Variants in VEZT observed in about 807,000 individuals in gnomAD.
The protein encoded by VEZT is vezatin, adherens junctions transmembrane protein, also known as vezatin.
Under a neutral mutation model 79.9 loss-of-function variants are expected in VEZT, and 39 were observed. The ratio of observed to expected loss-of-function variants is 0.49; its 90% confidence interval spans 0.38 to 0.64. The LOEUF is 0.64. Ranked by LOEUF, VEZT falls within the 30% of genes least tolerant of loss-of-function variation. The pLI, the probability that VEZT is intolerant of heterozygous loss-of-function variation, is 0.00. For missense variants in VEZT, 837 were observed against 893.1 expected, an observed-to-expected ratio of 0.94 and a Z score of 0.80; for synonymous variants, 325 against 327.6, an observed-to-expected ratio of 0.99 and a Z score of 0.09.
At chr12:95,292,384 C>T (rs1011517796) in intron 9 of VEZT, among the ~76,000 whole-genome samples, 1 of 151,956 alleles carries the variant, frequency 6.6e-6, no homozygotes, top group Non-Finnish European at 1.5e-5. Flanking sequence ...TCAAAGAACT[C>T]GATATATGGT....
intron 1 of VEZT, among the ~76,000 whole-genome samples, chr12:95,246,105 A>G (rs1333676354): frequency 6.6e-6 from 1 of 151,990 alleles, no homozygotes; most frequent in Admixed American, 6.6e-5. Flanking sequence ...GGGAGATCTG[A>G]TATCTTTTCT....
chr12:95,284,340 C>T (rs574782786), intron 8 of VEZT, among the ~76,000 whole-genome samples: 128 of 152,318 alleles, frequency 8.4e-4, no homozygotes, highest in African/African-American at 3.0e-3. Flanking sequence ...TCTCACTCCT[C>T]TCCCCCTTGT....
intron 7 of VEZT, among the ~76,000 whole-genome samples, chr12:95,275,153 A>G (rs1476162568): frequency 6.6e-6 from 1 of 152,202 alleles, no homozygotes; most frequent in Non-Finnish European, 1.5e-5. Flanking sequence ...AGATAAGTGA[A>G]TTTACTTTAA....
At chr12:95,252,643 A>G (rs1454397412) in intron 2 of VEZT, among the ~76,000 whole-genome samples, 1 of 152,196 alleles carries the variant, frequency 6.6e-6, no homozygotes, top group Non-Finnish European at 1.5e-5. Context: ...GGATTCATTT[A>G]TGTCCTGCTA....
intron 1 of VEZT, chr12:95,245,608 T>A: frequency 2.2e-6 from 1 of 456,480 alleles, no homozygotes; most frequent in Middle Eastern, 3.3e-4. Context: ...CCCATTCTTC[T>A]CTGGCCCAAG....
intron 1 of VEZT, among the ~76,000 whole-genome samples, chr12:95,236,016 G>T (rs1008937756): frequency 3.3e-5 from 5 of 152,000 alleles, no homozygotes; most frequent in African/African-American, 9.7e-5. Flanking sequence ...CTTCCCAGAC[G>T]GGGTGGCGGC....
intron 9 of VEZT, among the ~76,000 whole-genome samples, chr12:95,288,768 CTG>C (rs546458865): frequency 1.6e-3 from 245 of 152,200 alleles, no homozygotes; most frequent in African/African-American, 4.6e-3. Flanking sequence ...CAAATGTAAA[CTG>C]TGAATAATTT....
chr12:95,269,521 A>C (rs1482784336), intron 5 of VEZT, among the ~76,000 whole-genome samples: 1 of 152,186 alleles, frequency 6.6e-6, no homozygotes, highest in African/African-American at 2.4e-5. Context: ...ATGTATTTCT[A>C]TACAGTATTT....
At chr12:95,258,023 C>T (rs987152637) in intron 3 of VEZT, among the ~76,000 whole-genome samples, 7 of 152,106 alleles carry the variant, frequency 4.6e-5, no homozygotes, top group Admixed American at 6.5e-5. Context: ...AGTGATAGAG[C>T]CAGAATTTGA....
intron 1 of VEZT, among the ~76,000 whole-genome samples, chr12:95,220,350 G>C (rs1343223009): frequency 6.6e-6 from 1 of 152,154 alleles, no homozygotes; most frequent in Non-Finnish European, 1.5e-5. Context: ...AGCTACTCGG[G>C]AGGCTGAGGT....
chr12:95,266,278 T>A, intron 4 of VEZT, 79 bp from the exon 5 acceptor site: 1 of 1,443,274 alleles, frequency 6.9e-7, no homozygotes, highest in Non-Finnish European at 9.3e-7. Flanking sequence ...AAATTTAAAT[T>A]TTGTTTTTAC....
At position 95,252,082 on chromosome 12, in the gene VEZT, A is replaced by C. The variant is rs758083648; in HGVS notation, c.168+11A>C. On this transcript the variant is annotated intron_variant, in intron 2 of 11. Transcript: ENST00000436874. ...AGAGTCCTACCAAAAGTAAGAACGC[A>C]TGCTCATTCTTTCTGGCCGAATCTT... The C allele has an allele frequency of 6.3e-7, 1 of 1,598,540 alleles. No homozygotes were observed. The highest frequency in any genetic ancestry group is 8.5e-7 in the Non-Finnish European group (1 of 1,175,084).
At chr12:95,256,657 C>CT (rs1250673698) in intron 2 of VEZT, 1 of 1,163,462 alleles carries the variant, frequency 8.6e-7, no homozygotes, top group African/African-American at 1.6e-5. Flanking sequence ...AGTAGTAAAG[C>CT]TTTTTTATCA....
At chr12:95,262,310 G>A (rs1290252565) in intron 3 of VEZT, 9 of 152,150 alleles carry the variant, frequency 5.9e-5, no homozygotes, top group African/African-American at 1.9e-4. Flanking sequence ...TCAGTGTCAA[G>A]CCTGATGCCT....
intron 1 of VEZT, among the ~76,000 whole-genome samples, chr12:95,247,817 T>C (rs1000907047): frequency 5.6e-4 from 86 of 152,330 alleles, no homozygotes; most frequent in African/African-American, 2.0e-3. Context: ...TGAATAGAAC[T>C]TGAGTGTTCA....
At chr12:95,244,590 C>CT (rs370661900) in intron 1 of VEZT, among the ~76,000 whole-genome samples, 13,419 of 144,030 alleles carry the variant, frequency 0.093, 758 homozygotes, top group East Asian at 0.25. Context: ...CCTCTTGCCT[C>CT]TTTTTTTTTT....
chr12:95,240,028 G>T (rs1240318869), intron 1 of VEZT, among the ~76,000 whole-genome samples: 1 of 48,796 alleles, frequency 2.0e-5, no homozygotes, highest in Non-Finnish European at 5.5e-5. Context: ...AAGAAAGGAA[G>T]GAAGGAAGGA....
At chr12:95,227,434 G>A (rs1017764437) in intron 1 of VEZT, among the ~76,000 whole-genome samples, 4 of 148,688 alleles carry the variant, frequency 2.7e-5, no homozygotes, top group Non-Finnish European at 3.0e-5. Context: ...TCCACCTCCC[G>A]GGTTCAAGCG....
At chr12:95,255,957 T>G (rs985331991) in intron 2 of VEZT, among the ~76,000 whole-genome samples, 1 of 152,136 alleles carries the variant, frequency 6.6e-6, no homozygotes, top group Admixed American at 6.5e-5. Context: ...AATCCCTTCT[T>G]CTCTTGGGTC....
Sources: gnomAD v4.1 joint callset for allele counts (sites outside exome capture counted in the v4.1 genomes callset) on GRCh38, gnomAD v4.1.1 for gene constraint, MANE v1.5 for transcripts, NCBI Gene and HGNC (gene_info 2026-07-23, HGNC 2026-07-21) for gene names.